The following ARAP1 variants were observed in gnomAD, a reference collection of about 807,000 sequenced individuals.
ARAP1 encodes the protein ArfGAP with RhoGAP domain, ankyrin repeat and PH domain 1.
Under a neutral mutation model 172.2 loss-of-function variants are expected in ARAP1, and 76 were observed. The observed-to-expected ratio is 0.44, with a 90% CI of 0.37 to 0.53. The LOEUF is 0.53. ARAP1 is among the 20% of genes least tolerant of loss of function. The pLI is 0.00. For synonymous variants in ARAP1, 804 were observed against 803.3 expected (o/e 1.00, Z -0.01); for missense variants, 1,686 against 1,977.5 (o/e 0.85, Z 2.80).
At chr11:72,720,725 G>A (rs370459727) in intron 3 of ARAP1, among the ~76,000 whole-genome samples, 30 of 152,158 alleles carry the variant, frequency 2.0e-4, no homozygotes, top group African/African-American at 6.5e-4. Context: ...CTTGCTAAGC[G>A]CTCACTATGT....
chr11:72,750,144 C>T (rs1343601069), intron 1 of ARAP1, among the ~76,000 whole-genome samples: 1 of 152,204 alleles, frequency 6.6e-6, no homozygotes, highest in Non-Finnish European at 1.5e-5. Context: ...GTGACAGAAC[C>T]CTTGGGAGCC....
At chr11:72,686,315 T>C (rs187304630) in intron 33 of ARAP1, 124 bp from the exon 34 acceptor site, 17 of 1,278,428 alleles carry the variant, frequency 1.3e-5, no homozygotes, top group South Asian at 4.4e-5. Context: ...TCAGCTTTGA[T>C]CCCCGCCGAT....
At chr11:72,697,236 A>T in intron 21 of ARAP1, 41 bp from the exon 22 acceptor site, 1 of 1,564,664 alleles carries the variant, frequency 6.4e-7, no homozygotes, top group South Asian at 1.1e-5. Flanking sequence ...CCTGAGGCAT[A>T]GAGTCATGGG....
chr11:72,711,552 C>T (rs1857011825), intron 7 of ARAP1, 53 bp from the exon 8 acceptor site: 1 of 1,480,126 alleles, frequency 6.8e-7, no homozygotes, highest in Non-Finnish European at 9.4e-7. Flanking sequence ...AGGACAGGTT[C>T]CAGGACCACC....
chr11:72,722,151 C>CAGAGAG (rs3029807), intron 3 of ARAP1: 643 of 960,104 alleles, frequency 6.7e-4, no homozygotes, highest in Non-Finnish European at 7.5e-4. Context: ...GAGGAAAGGA[C>CAGAGAG]AGAGAGAGAG....
chr11:72,689,190 G>T (rs1334651215), intron 30 of ARAP1, among the ~76,000 whole-genome samples: 2 of 152,202 alleles, frequency 1.3e-5, no homozygotes, highest in Non-Finnish European at 2.9e-5. Flanking sequence ...CAATGTACTG[G>T]GGAGGGACAC....
At chr11:72,721,122 C>T (rs191527656) in intron 3 of ARAP1, among the ~76,000 whole-genome samples, 68 of 152,232 alleles carry the variant, frequency 4.5e-4, no homozygotes, top group African/African-American at 1.6e-3. Flanking sequence ...ATCCGCTGGG[C>T]CCTATGGAAA....
intron 1 of ARAP1, among the ~76,000 whole-genome samples, chr11:72,747,948 A>C (rs1349104874): frequency 6.6e-6 from 1 of 152,076 alleles, no homozygotes; most frequent in Non-Finnish European, 1.5e-5. Context: ...CTGGGTTTAG[A>C]TCTCCTCTGT....
chr11:72,705,836 T>C lies in ARAP1; in HGVS notation c.1778A>G (p.Asp593Gly). 1 of 1,614,104 alleles carries C rather than the reference T, an allele frequency of 6.2e-7. No homozygotes were observed. Among genetic ancestry groups the C allele is most frequent in the African/African-American group, 1.3e-5 (1 of 75,024 alleles). Reference protein sequence around the residue: ...GVSKVRSLKMDRKVWTETLIE... With the variant: ...GVSKVRSLKMGRKVWTETLIE... Reference sequence around the variant, plus strand: ...AAGTGTTTCTGTCCACACCTTCCTGTCCATCTTCAGGCTCCGCACCTTGGA... The same window carrying C: ...AAGTGTTTCTGTCCACACCTTCCTGCCCATCTTCAGGCTCCGCACCTTGGA... Residue 593 changes from aspartate to glycine, a missense_variant, in exon 13 of 35, where the codon GAC (aspartate) becomes GGC (glycine). Coordinates refer to ENST00000393609, the MANE Select transcript of ARAP1 (RefSeq NM_001040118.3).
chr11:72,732,302 G>C (rs1345023657), intron 2 of ARAP1, among the ~76,000 whole-genome samples: 1 of 152,188 alleles, frequency 6.6e-6, no homozygotes, highest in East Asian at 1.9e-4. Context: ...TTGTCCCTCT[G>C]TCTCGTACCC....
At position 72,712,270 on chromosome 11, in the gene ARAP1, G is replaced by T; in HGVS notation, c.948C>A (p.Asp316Glu). Residue 316 changes from aspartate (D) to glutamate (E), a missense_variant, in exon 7 of 35, where the codon GAC (aspartate) becomes GAA (glutamate). Physicochemically the swap from Asp to Glu is conservative, Grantham distance 45. Coordinates refer to ENST00000393609, the MANE Select transcript of ARAP1 (RefSeq NM_001040118.3). ...PSTIAAPHPMDGPPGGSTPVT... is the reference protein window; with the variant it reads ...PSTIAAPHPMEGPPGGSTPVT... ...CGGGGGTGGAGCCCCCAGGCGGCCC[G>T]TCCATGGGGTGTGGCGCAGCTATTG... 1 of 1,601,278 alleles carries T rather than the reference G, an allele frequency of 6.2e-7. No individual in the cohort carries two copies. Among genetic ancestry groups the T allele is most frequent in the Non-Finnish European group, 8.5e-7 (1 of 1,173,254 alleles).
chr11:72,725,909 T>C lies in ARAP1; in HGVS notation c.509+711A>G, dbSNP rs999864971. Among the ~76,000 whole-genome samples the C allele has an allele frequency of 6.6e-6, 1 of 151,766 alleles. No individual in the cohort carries two copies. The highest frequency in any genetic ancestry group is 1.5e-5 in the Non-Finnish European group (1 of 67,946). ...AAATCTCCCTCACCCCAAACACATA[T>C]CTACCCTGTCTGGGGATGCTCCCTG... On this transcript the variant is annotated intron_variant, in intron 3 of 34. Coordinates refer to ENST00000393609, the MANE Select transcript of ARAP1 (RefSeq NM_001040118.3). This position sits in a 1 kb window ranked among gnomAD's most constrained non-coding sequence, Gnocchi z 4.3.
At position 72,693,864 on chromosome 11, in the gene ARAP1, T is replaced by TG; in HGVS notation, c.3695-60dup. ...CACATGGCCCGATACCACCAAAGGC[T>TG]GGCAGATGGGCACATATCACCTACA... is the stretch of plus-strand genomic sequence containing the variant. On this transcript the variant is annotated intron_variant, in intron 27 of 34. Transcript: ENST00000393609. The surrounding 1 kb of genome is among the most constrained non-coding windows in gnomAD (Gnocchi z 4.6). 7.1e-7 allele frequency: 1 copy of TG among 1,411,302 alleles called. No homozygotes were observed. The highest frequency in any genetic ancestry group is 9.6e-7 in the Non-Finnish European group (1 of 1,038,012). 87.4% of individuals were successfully genotyped at this position (1,411,302 alleles called of 1,614,324 possible).
At chr11:72,720,433 A>G (rs532366760) in intron 3 of ARAP1, among the ~76,000 whole-genome samples, 2 of 152,082 alleles carry the variant, frequency 1.3e-5, no homozygotes, top group Non-Finnish European at 2.9e-5. Context: ...CTAGGGTCTC[A>G]CTTGCTAGAA....
intron 14 of ARAP1, among the ~76,000 whole-genome samples, chr11:72,703,605 G>A (rs1375012559): frequency 6.6e-6 from 1 of 152,134 alleles, no homozygotes; most frequent in African/African-American, 2.4e-5. Context: ...GAGTCTGCCT[G>A]GGAGGGGCGG....
At chr11:72,745,394 C>T (rs1417377613) in intron 1 of ARAP1, among the ~76,000 whole-genome samples, 68 of 136,210 alleles carry the variant, frequency 5.0e-4, no homozygotes, top group African/African-American at 1.7e-3. Flanking sequence ...TTAGTAGAGA[C>T]GGGGTTTCAC....
intron 30 of ARAP1, among the ~76,000 whole-genome samples, chr11:72,691,444 T>C (rs1855928389): frequency 6.6e-6 from 1 of 151,994 alleles, no homozygotes; most frequent in Non-Finnish European, 1.5e-5. Context: ...GCCAGGGAAA[T>C]AGCATCCCAG....
At chr11:72,711,400 G>C in intron 8 of ARAP1, 30 bp downstream of exon 8, 2 of 1,600,248 alleles carry the variant, frequency 1.2e-6, no homozygotes, top group Non-Finnish European at 1.7e-6. Flanking sequence ...GCTGGAGCAG[G>C]GGTCGCGTCA....
chr11:72,703,807 GT>G, intron 14 of ARAP1: 1 of 305,180 alleles, frequency 3.3e-6, no homozygotes, highest in Non-Finnish European at 6.2e-6. Context: ...CAGCCCAGCT[GT>G]TTTTCATGAG....
Sources: allele counts gnomAD v4.1 joint callset (sites outside exome capture counted in the v4.1 genomes callset), GRCh38; gene constraint gnomAD v4.1.1; non-coding constraint Gnocchi (gnomAD v3.1); transcripts MANE v1.5; gene names NCBI Gene and HGNC (gene_info 2026-07-23, HGNC 2026-07-21).